The following FOLR3 variants were observed in gnomAD, a reference collection of about 807,000 sequenced individuals.
The protein encoded by FOLR3 is folate receptor gamma, also known as folate receptor 3 (gamma).
FOLR3 carries 9 observed loss-of-function variants against 20.0 expected under a neutral mutation model. The observed-to-expected ratio is 0.45, with a 90% CI of 0.27 to 0.79. The LOEUF (loss-of-function observed/expected upper bound fraction) is 0.79. Among genes scored for constraint, FOLR3 ranks in the 30% least tolerant of loss-of-function variants. The pLI, the probability that FOLR3 is intolerant of heterozygous loss-of-function variation, is 0.15. For missense variants in FOLR3, 309 were observed against 323.5 expected (o/e 0.96, Z 0.34); for synonymous variants, 124 against 115.5 (o/e 1.07, Z -0.47).
At chr11:72,136,830 T>C (rs185930137) in intron 2 of FOLR3, among the ~76,000 whole-genome samples, 2 of 152,306 alleles carry the variant, frequency 1.3e-5, no homozygotes, top group African/African-American at 4.8e-5. Flanking sequence ...GCCCTTACTA[T>C]AGCAAGGGAG....
At chr11:72,137,881 T>C (rs1436587805) in intron 2 of FOLR3, among the ~76,000 whole-genome samples, 1 of 152,120 alleles carries the variant, frequency 6.6e-6, no homozygotes, top group African/African-American at 2.4e-5. Flanking sequence ...TGGTTTTCTA[T>C]GCCTAGAGTG....
At chr11:72,138,365 T>C (rs1264378676) in intron 2 of FOLR3, among the ~76,000 whole-genome samples, 1 of 151,880 alleles carries the variant, frequency 6.6e-6, no homozygotes, top group African/African-American at 2.4e-5. Flanking sequence ...AAACTCTGTC[T>C]CAAAAAAAAG....
In FOLR3 at chr11:72,138,194, C is replaced by A. The variant is rs536608762; in HGVS notation, c.169-767C>A. ...CCAGCCTGGCAAACATGGTGAACCC[C>A]CGTCTCTACTAAAAATACAAAATTA... On this transcript the variant is annotated intron_variant, in intron 2 of 4. Coordinates refer to ENST00000611028, the MANE Select transcript of FOLR3 (RefSeq NM_000804.4). 4.1e-3 allele frequency among the ~76,000 whole-genome samples: 623 copies of A among 152,204 alleles called. 4 individuals carry two copies. Among genetic ancestry groups the A allele is most frequent in the African/African-American group, 0.014 (597 of 41,518 alleles).
At chr11:72,138,619 T>TAAA (rs1947770173) in intron 2 of FOLR3, among the ~76,000 whole-genome samples, 1 of 150,416 alleles carries the variant, frequency 6.6e-6, no homozygotes. Context: ...CAAAAATACT[T>TAAA]TATATTAGCC....
rs746149373 is a variant in FOLR3 at position 72,139,429 on chromosome 11, G to C, written c.440G>C (p.Arg147Pro). The C allele has an allele frequency of 3.7e-6, 6 of 1,612,402 alleles. No individual in the cohort carries two copies. The East Asian group carries it at 1.3e-4, about 36-fold the overall frequency. ...TGTGAGCGCTGGTGGGAGGACTGTC[G>C]CACCTCCTACACCTGCAAAAGCAAC... ...EDCERWWEDC[R>P]TSYTCKSNWH... The change falls in exon 4 of 5, where the codon CGC becomes CCC. Residue 147 changes from arginine (R) to proline (P), a missense_variant. Transcript: ENST00000611028.
chr11:72,139,163 T>C lies in FOLR3; in HGVS notation c.357+14T>C. On this transcript the variant is annotated intron_variant, in intron 3 of 4. Transcript: ENST00000611028. ...TGGATCCGGCAGGTATGAGTGCTGT[T>C]CCCACAAACATTAACCTCAGCAGAG... 6.2e-7 allele frequency: 1 copy of C among 1,607,776 alleles called. No homozygotes were observed. The highest frequency in any genetic ancestry group is 1.1e-5 in the South Asian group (1 of 90,350).
At chr11:72,136,232 G>A in intron 2 of FOLR3, 112 bp downstream of exon 2, 5 of 1,357,120 alleles carry the variant, frequency 3.7e-6, no homozygotes, top group South Asian at 2.6e-5. Flanking sequence ...ACAAGGAAGG[G>A]GAGGGGCGGC....
rs774463733 is a variant in FOLR3, at chr11:72,135,938, C to T, written c.-6-9C>T. ...GCCTTGTCTACCTCTGACTGTGGCTCTCTGGCAGGAATAGATGGACATGGC... is the reference window on the plus strand; with the variant it reads ...GCCTTGTCTACCTCTGACTGTGGCTTTCTGGCAGGAATAGATGGACATGGC... On this transcript the variant is annotated splice_polypyrimidine_tract_variant and intron_variant, in intron 1 of 4. Transcript: ENST00000611028. 8 of 1,608,136 alleles carry T rather than the reference C, an allele frequency of 5.0e-6. No individual in the cohort carries two copies. The highest frequency in any genetic ancestry group is 2.2e-5 in the South Asian group (2 of 91,058).
At chr11:72,137,886 A>G (rs763279591) in intron 2 of FOLR3, among the ~76,000 whole-genome samples, 2 of 152,032 alleles carry the variant, frequency 1.3e-5, no homozygotes, top group Non-Finnish European at 2.9e-5. Flanking sequence ...TTCTATGCCT[A>G]GAGTGTTCTT....
chr11:72,138,714 G>A, intron 2 of FOLR3: 1 of 542,122 alleles, frequency 1.8e-6, no homozygotes, highest in Non-Finnish European at 3.3e-6. Context: ...TGAGGCTGCA[G>A]TGAGCTATGA....
In FOLR3 at chr11:72,139,628, G is replaced by C. The variant is rs776253595; in HGVS notation, c.535G>C (p.Glu179Gln). 6.2e-7 allele frequency: 1 copy of C among 1,613,582 alleles called. No individual in the cohort carries two copies. Among genetic ancestry groups the C allele is most frequent in the East Asian group, 2.2e-5 (1 of 44,856 alleles). The change falls in exon 5 of 5, where the codon GAG becomes CAG. Residue 179 changes from glutamate (E) to glutamine (Q), a missense_variant. Transcript: ENST00000611028. ...CPAGALCSTF[E>Q]SYFPTPAALC... is the part of the protein sequence containing the mutation. ...GGCCGGGGCCCTCTGCAGCACCTTT[G>C]AGTCCTACTTCCCCACTCCAGCCGC...
chr11:72,139,800 G>A lies in FOLR3; in HGVS notation c.707G>A (p.Gly236Glu), dbSNP rs1565350091. Residue 236 changes from glycine (G) to glutamate (E), a missense_variant, in exon 5 of 5, where the codon GGG becomes GAG. By Grantham distance (98) the Gly-to-Glu change is moderately conservative. Coordinates refer to ENST00000611028, the MANE Select transcript of FOLR3 (RefSeq NM_000804.4). ...TTCTATGCTGCGGCCATGAATGCTG[G>A]GGCCCCGTCTCGTGGGATTATTGAT... is the stretch of plus-strand genomic sequence containing the variant. Reference protein sequence around the residue: ...AKFYAAAMNAGAPSRGIIDS With the variant: ...AKFYAAAMNAEAPSRGIIDS The A allele has an allele frequency of 1.9e-6, 3 of 1,614,030 alleles. No individual in the cohort carries two copies. Among genetic ancestry groups the A allele is most frequent in the Non-Finnish European group, 2.5e-6 (3 of 1,179,916 alleles).
Position 72,139,135 on chromosome 11 carries a change from C to A in FOLR3, c.343C>A (p.Pro115Thr), listed in dbSNP as rs369958367. ...CTATGAGTGCTCACCCAACCTGGGGCCCTGGATCCGGCAGGTATGAGTGCT... is the reference window on the plus strand; with the variant it reads ...CTATGAGTGCTCACCCAACCTGGGGACCTGGATCCGGCAGGTATGAGTGCT... Reference protein sequence around the residue: ...CLYECSPNLGPWIRQVNQSWR... With the variant: ...CLYECSPNLGTWIRQVNQSWR... Residue 115 changes from proline (P) to threonine (T), a missense_variant, in exon 3 of 5, where the codon CCC becomes ACC. Coordinates refer to ENST00000611028, the MANE Select transcript of FOLR3 (RefSeq NM_000804.4). 3 of 1,613,088 alleles carry A rather than the reference C, an allele frequency of 1.9e-6. No individual in the cohort carries two copies. Among genetic ancestry groups the A allele is most frequent in the Admixed American group, 1.7e-5 (1 of 59,988 alleles).
Position 72,139,625 on chromosome 11 carries a change from T to G in FOLR3, c.532T>G (p.Phe178Val). The G allele has an allele frequency of 6.2e-7, 1 of 1,613,660 alleles. No homozygotes were observed. Among genetic ancestry groups the G allele is most frequent in the Middle Eastern group, 1.7e-4 (1 of 5,822 alleles). The change falls in exon 5 of 5, where the codon TTT (phenylalanine) becomes GTT (valine). Residue 178 changes from phenylalanine to valine, a missense_variant. Transcript: ENST00000611028. ...TCCGGCCGGGGCCCTCTGCAGCACC[T>G]TTGAGTCCTACTTCCCCACTCCAGC... ...ECPAGALCST[F>V]ESYFPTPAAL...
At position 72,139,841 on chromosome 11, in the gene FOLR3, G is replaced by A. The variant is rs747599005; in HGVS notation, c.*10G>A. On this transcript the variant is annotated 3_prime_UTR_variant, in exon 5 of 5. Transcript: ENST00000611028. ...GATTATTGATTCCTGATCCAAGAAG[G>A]GTCCTCTGGGGTTCTTCCAACAACC... 6.2e-7 allele frequency: 1 copy of A among 1,612,412 alleles called. No individual in the cohort carries two copies. Among genetic ancestry groups the A allele is most frequent in the South Asian group, 1.1e-5 (1 of 91,064 alleles).
Position 72,139,699 on chromosome 11 carries a change from T to C in FOLR3, c.606T>C (p.Tyr202=). Residue 202 remains tyrosine, a synonymous_variant, in exon 5 of 5, where the codon TAT becomes TAC. Transcript: ENST00000611028. The part of the protein sequence containing the change: ...LWSHSFKVSN[Y]SRGSGRCIQM... ...GCCACTCCTTCAAGGTCAGCAACTA[T>C]AGTCGAGGGAGCGGCCGCTGCATCC... 6.2e-7 allele frequency: 1 copy of C among 1,613,774 alleles called. No homozygotes were observed. The highest frequency in any genetic ancestry group is 8.5e-7 in the Non-Finnish European group (1 of 1,179,942).
chr11:72,139,572 GTTCT>G lies in FOLR3; in HGVS notation c.494-14_494-11del. On this transcript the variant is annotated splice_polypyrimidine_tract_variant and intron_variant, in intron 4 of 4. Coordinates refer to ENST00000611028, the MANE Select transcript of FOLR3 (RefSeq NM_000804.4). ...CTGGCCCAGAAGCTAAGGGTCTTAC[GTTCT>G]CCTCCCTCAGGGATTAATGAGTGTC... The G allele has an allele frequency of 1.2e-6, 2 of 1,613,848 alleles. No individual in the cohort carries two copies. The highest frequency in any genetic ancestry group is 8.5e-7 in the Non-Finnish European group (1 of 1,179,830).
intron 2 of FOLR3, among the ~76,000 whole-genome samples, chr11:72,138,357 ACT>A (rs1168966996): frequency 3.3e-5 from 5 of 151,830 alleles, no homozygotes; most frequent in East Asian, 1.9e-4. Flanking sequence ...CAGGAGCGAA[ACT>A]CTGTCTCAAA....
intron 2 of FOLR3, 54 bp downstream of exon 2, chr11:72,136,174 C>T (rs184790323): frequency 2.5e-6 from 4 of 1,592,624 alleles, no homozygotes; most frequent in Admixed American, 1.7e-5. Flanking sequence ...GGTGATGGCA[C>T]GAGCAATGGC....
Sources: allele counts gnomAD v4.1 joint callset (sites outside exome capture counted in the v4.1 genomes callset), GRCh38; gene constraint gnomAD v4.1.1; transcripts MANE v1.5; gene names NCBI Gene and HGNC (gene_info 2026-07-23, HGNC 2026-07-21).